Variants in TOGARAM2 observed in about 807,000 individuals in gnomAD.
TOGARAM2 encodes the protein TOG array regulator of axonemal microtubules protein 2.
In TOGARAM2, 85 loss-of-function variants were observed where a neutral mutation model predicts 93.3. The ratio of observed to expected loss-of-function variants is 0.91; its 90% confidence interval spans 0.76 to 1.09. TOGARAM2 has a LOEUF of 1.09. TOGARAM2 is among the 50% of genes least tolerant of loss of function. TOGARAM2 has a pLI of 0.00. For missense variants in TOGARAM2, 1,277 were observed against 1,334.5 expected (o/e 0.96, Z 0.67); for synonymous variants, 593 against 552.8 (o/e 1.07, Z -1.02).
chr2:29,017,392 T>C, intron 9 of TOGARAM2, 88 bp downstream of exon 9: 10 of 1,269,318 alleles, frequency 7.9e-6, no homozygotes, highest in Non-Finnish European at 8.3e-6. Context: ...TTTTCTTTTT[T>C]AAAATTTTTA....
intron 2 of TOGARAM2, among the ~76,000 whole-genome samples, chr2:28,996,991 T>C (rs183040744): frequency 2.0e-5 from 3 of 152,278 alleles, no homozygotes; most frequent in Admixed American, 6.5e-5. Flanking sequence ...TTGGCTATTG[T>C]GAATAATGTA....
Position 29,003,624 on chromosome 2 carries a change from C to A in TOGARAM2, c.772C>A (p.Pro258Thr), listed in dbSNP as rs772617145. ...ATPSRVPGSL[P>T]SPLPPGQGVL... Reference sequence around the variant, plus strand: ...CCCCTCCCGTGTGCCTGGCTCCCTTCCCAGCCCGTTACCTCCAGGCCAGGG... The same window carrying A: ...CCCCTCCCGTGTGCCTGGCTCCCTTACCAGCCCGTTACCTCCAGGCCAGGG... The change falls in exon 6 of 20, where the codon CCC becomes ACC. Residue 258 changes from proline to threonine, a missense_variant. By Grantham distance (38) the Pro-to-Thr change is conservative. Transcript: ENST00000379558. 1 of 1,593,570 alleles carries A rather than the reference C, an allele frequency of 6.3e-7. No homozygotes were observed. Among genetic ancestry groups the A allele is most frequent in the South Asian group, 1.1e-5 (1 of 87,440 alleles).
In TOGARAM2 at chr2:28,970,052, C is replaced by G. The variant is rs190196512; in HGVS notation, c.-147+13355C>G. Among the ~76,000 whole-genome samples the G allele has an allele frequency of 9.8e-5, 15 of 152,288 alleles. No individual in the cohort carries two copies. In the East Asian group the frequency reaches 2.9e-3, roughly 29 times the overall value. On this transcript the variant is annotated intron_variant, in intron 1 of 6. Transcript: ENST00000401723. Reference sequence around the variant, plus strand: ...GGTCTCGAACTCTTGACCTCGTGATCCGCCCGCCTTGGCCTCCCAAAGTGC... The same window carrying G: ...GGTCTCGAACTCTTGACCTCGTGATGCGCCCGCCTTGGCCTCCCAAAGTGC...
rs181667976 is a variant in TOGARAM2, at chr2:29,011,593, C to G, written c.877+92C>G. ...AAACAGAATTAGGGCCAGAGGAGAT[C>G]TGAGAGCTCTTGTGTCTGGGCCCTT... On this transcript the variant is annotated intron_variant, in intron 7 of 19. Transcript: ENST00000379558. The G allele has an allele frequency of 5.7e-5, 71 of 1,255,704 alleles. 1 individual carries two copies. In the Admixed American group the frequency reaches 1.9e-3, roughly 34 times the overall value. 77.8% of individuals were successfully genotyped at this position (1,255,704 alleles called of 1,614,324 possible). A position where few individuals can be genotyped will look rare whatever the true frequency, so the allele number is the denominator to read the frequency against.
At chr2:29,044,526 G>T (rs1215696344) in intron 18 of TOGARAM2, among the ~76,000 whole-genome samples, 3 of 152,114 alleles carry the variant, frequency 2.0e-5, no homozygotes, top group African/African-American at 7.2e-5. Context: ...GTGCTGAAAT[G>T]GGGAGAGCCC....
Position 29,003,494 on chromosome 2 carries a change from G to T in TOGARAM2, c.642G>T (p.Ala214=), listed in dbSNP as rs533321689. The change falls in exon 6 of 20, where the codon GCG becomes GCT. Residue 214 remains alanine (A), a splice_region_variant and synonymous_variant. Transcript: ENST00000379558. The part of the protein sequence containing the change: ...PHELRPGAQE[A]QISWQYLHCN... The stretch of plus-strand genomic sequence containing the variant: ...CCCTGTCCCGCCTCTGCTCCCAGGC[G>T]CAGATCTCCTGGCAATACCTGCACT... 2 of 1,525,810 alleles carry T rather than the reference G, an allele frequency of 1.3e-6. No homozygotes were observed. Among genetic ancestry groups the T allele is most frequent in the Admixed American group, 2.1e-5 (1 of 47,448 alleles). The allele number at this position is 1,525,810 out of a possible 1,614,324, so 94.5% of individuals were successfully genotyped here. A position where few individuals can be genotyped will look rare whatever the true frequency, so the allele number is the denominator to read the frequency against.
rs547377885 is a variant in TOGARAM2, at chr2:29,028,605, C to A, written c.2012+1594C>A. On this transcript the variant is annotated intron_variant, in intron 14 of 19. Transcript: ENST00000379558. ...ATGAGTTTGAGTGTTTCTTTACATG[C>A]GTGTTAGCCTTTATAATTAAAAAAA... Among the ~76,000 whole-genome samples the A allele has an allele frequency of 9.9e-5, 15 of 151,890 alleles. No homozygotes were observed. The South Asian group carries it at 2.9e-3, about 30-fold the overall frequency.
intron 19 of TOGARAM2, chr2:29,049,023 T>C (rs988543638): frequency 2.9e-5 from 4 of 135,660 alleles, no homozygotes; most frequent in African/African-American, 1.1e-4. Context: ...GCCCAGCTAA[T>C]TTTTGTATTT....
rs1281195804 is a variant in TOGARAM2, at chr2:29,051,861, C to G, written c.2828C>G (p.Pro943Arg). 1 of 1,570,198 alleles carries G rather than the reference C, an allele frequency of 6.4e-7. No homozygotes were observed. The highest frequency in any genetic ancestry group is 8.6e-7 in the Non-Finnish European group (1 of 1,157,754). ...LNTATRNGTL[P>R]GPSGNIRGVV... The stretch of plus-strand genomic sequence containing the variant: ...ACCGCCACCAGGAATGGCACCCTGC[C>G]TGGACCCAGCGGGAACATCCGCGGG... Residue 943 changes from proline (P) to arginine (R), a missense_variant, in exon 20 of 20, where the codon CCT becomes CGT. Coordinates refer to ENST00000379558, the MANE Select transcript of TOGARAM2 (RefSeq NM_199280.4).
chr2:28,966,762 A>G (rs1671873519), intron 1 of TOGARAM2, among the ~76,000 whole-genome samples: 1 of 152,236 alleles, frequency 6.6e-6, no homozygotes, highest in Non-Finnish European at 1.5e-5. Flanking sequence ...GTGTATATGT[A>G]TCTATAAATA....
chr2:29,024,433 G>A (rs1665196046), intron 13 of TOGARAM2, 59 bp downstream of exon 13: 1 of 1,387,950 alleles, frequency 7.2e-7, no homozygotes, highest in East Asian at 2.6e-5. Flanking sequence ...GGCAAGGGGA[G>A]AGGCCCTGGG....
At chr2:29,050,123 G>A (rs182261063) in intron 19 of TOGARAM2, 4 of 152,242 alleles carry the variant, frequency 2.6e-5, no homozygotes, top group Admixed American at 1.3e-4. Flanking sequence ...AGGTCAAGAT[G>A]GGCAGATTGC....
At chr2:29,042,991 C>T (rs1364424705) in intron 18 of TOGARAM2, among the ~76,000 whole-genome samples, 1 of 152,212 alleles carries the variant, frequency 6.6e-6, no homozygotes, top group Non-Finnish European at 1.5e-5. Context: ...AGCCATGTTC[C>T]TTACATTAGA....
intron 1 of TOGARAM2, among the ~76,000 whole-genome samples, chr2:28,983,964 T>C (rs1672346379): frequency 6.6e-6 from 1 of 152,124 alleles, no homozygotes; most frequent in Non-Finnish European, 1.5e-5. Context: ...GTGCCTCCCT[T>C]CCTCTGCTCT....
chr2:28,968,605 G>A (rs148875679), intron 1 of TOGARAM2, among the ~76,000 whole-genome samples: 8 of 152,088 alleles, frequency 5.3e-5, no homozygotes, highest in Admixed American at 5.2e-4. Context: ...CCAGGAGATC[G>A]AGACCAGCCT....
upstream of TOGARAM2, among the ~76,000 whole-genome samples, chr2:28,976,347 G>A (rs1216547500): frequency 5.9e-5 from 9 of 152,128 alleles, no homozygotes; most frequent in Non-Finnish European, 1.3e-4. Context: ...CTCCAGCCTG[G>A]GCGACAGAGT....
intron 19 of TOGARAM2, chr2:29,047,700 A>C (rs1666825703): frequency 6.6e-6 from 1 of 152,272 alleles, no homozygotes; most frequent in Non-Finnish European, 1.5e-5. Flanking sequence ...AAGTAGCCTG[A>C]GTTCTATTAG....
intron 1 of TOGARAM2, among the ~76,000 whole-genome samples, chr2:28,983,214 T>A (rs866678977): frequency 0.046 from 5,543 of 121,086 alleles, 230 homozygotes; most frequent in Non-Finnish European, 0.058. Flanking sequence ...TTTTTTTTTT[T>A]TTTTTTTTTT....
At position 29,007,138 on chromosome 2, in the gene TOGARAM2, A is replaced by G. The variant is rs143814424; in HGVS notation, c.830+3456A>G. Among the ~76,000 whole-genome samples, 430 of 152,178 alleles carry G rather than the reference A, an allele frequency of 2.8e-3. 1 individual carries two copies. Among genetic ancestry groups the G allele is most frequent in the African/African-American group, 9.9e-3 (413 of 41,522 alleles). ...CTCCTGGGGCCCTTATGTGTGCCCA[A>G]GTCTTCCAGATGGTGGAATGTGGGT... On this transcript the variant is annotated intron_variant, in intron 6 of 19. Coordinates refer to ENST00000379558, the MANE Select transcript of TOGARAM2 (RefSeq NM_199280.4).
Sources: gnomAD v4.1 joint callset for allele counts (sites outside exome capture counted in the v4.1 genomes callset) on GRCh38, gnomAD v4.1.1 for gene constraint, MANE v1.5 for transcripts, NCBI Gene and HGNC (gene_info 2026-07-23, HGNC 2026-07-21) for gene names.